Variants in NRCAM observed in about 807,000 individuals in gnomAD.
NRCAM encodes neuronal cell adhesion molecule.
A neutral mutation model predicts 156.5 loss-of-function variants in NRCAM; 83 were observed. The ratio of observed to expected loss-of-function variants is 0.53; its 90% confidence interval spans 0.44 to 0.64. NRCAM has a LOEUF of 0.64. Ranked by LOEUF, NRCAM falls within the 30% of genes least tolerant of loss-of-function variation. The probability of loss-of-function intolerance (pLI) is 0.00; values close to 1 mark genes in which losing one functional copy is unlikely to be tolerated. For synonymous variants in NRCAM, 538 were observed against 563.9 expected (o/e 0.95, Z 0.65); for missense variants, 1,417 against 1,597.3 (o/e 0.89, Z 1.92).
intron 2 of NRCAM, among the ~76,000 whole-genome samples, chr7:108,358,970 G>A (rs2099528751): frequency 1.3e-5 from 2 of 152,182 alleles, no homozygotes; most frequent in African/African-American, 4.8e-5. Context: ...GCATAGATAT[G>A]TCTATAAGCT....
intron 1 of NRCAM, among the ~76,000 whole-genome samples, chr7:108,424,227 C>A (rs1411070345): frequency 6.6e-6 from 1 of 152,146 alleles, no homozygotes; most frequent in Non-Finnish European, 1.5e-5. Flanking sequence ...AGTGGGGCAT[C>A]GAAGAGAGCT....
chr7:108,159,397 A>G, intron 32 of NRCAM, 66 bp downstream of exon 32: 2 of 1,358,588 alleles, frequency 1.5e-6, no homozygotes, highest in Admixed American at 3.4e-5. Context: ...ATTCTGGCTG[A>G]GTTCTATTCT....
chr7:108,383,199 G>T (rs35791629), intron 2 of NRCAM, among the ~76,000 whole-genome samples: 6,100 of 151,938 alleles, frequency 0.04, 207 homozygotes, highest in Non-Finnish European at 0.062. Context: ...AGTCACTCCT[G>T]TCTGGCTCAG....
chr7:108,166,977 C>T lies in NRCAM; in HGVS notation c.3410G>A (p.Gly1137Asp). The change falls in exon 30 of 33, where the codon GGT becomes GAT. Residue 1137 changes from glycine to aspartate, a missense_variant. Physicochemically the swap from Gly to Asp is moderately conservative, Grantham distance 94. Coordinates refer to ENST00000379028, the MANE Select transcript of NRCAM (RefSeq NM_001037132.4). ...CACAAAACCAGAGTCCCCCACAGCA[C>T]CAACTCGAACTTTGTATGCTGTTCC... ...MPGTAYKVRV[G>D]AVGDSGFVSS... The T allele has an allele frequency of 6.2e-7, 1 of 1,613,948 alleles. No individual in the cohort carries two copies. Among genetic ancestry groups the T allele is most frequent in the Non-Finnish European group, 8.5e-7 (1 of 1,179,882 alleles).
intron 13 of NRCAM, among the ~76,000 whole-genome samples, chr7:108,202,026 G>C (rs915183435): frequency 1.3e-5 from 2 of 152,124 alleles, no homozygotes; most frequent in South Asian, 4.1e-4. Context: ...TGGAGCCTTT[G>C]GATGGGCTGG....
rs118038336 is a variant in NRCAM at position 108,351,328 on chromosome 7, C to G, written c.-173-38597G>C. Among the ~76,000 whole-genome samples the G allele has an allele frequency of 3.5e-3, 532 of 152,268 alleles. 6 individuals are homozygous for G. The highest frequency in any genetic ancestry group is 0.03 in the East Asian group (155 of 5,182). On this transcript the variant is annotated intron_variant, in intron 2 of 32. Coordinates refer to ENST00000379028, the MANE Select transcript of NRCAM (RefSeq NM_001037132.4). The stretch of plus-strand genomic sequence containing the variant: ...CTTTGTTCTTTATAAATTACCCAGT[C>G]TCAGGTATTCTATTATAGCAACACA...
chr7:108,232,146 T>C (rs2094417120), intron 7 of NRCAM, among the ~76,000 whole-genome samples, 180 bp downstream of exon 7: 1 of 152,128 alleles, frequency 6.6e-6, no homozygotes, highest in South Asian at 2.1e-4. Context: ...GGTAAAGCAT[T>C]GGACTAAGGA....
intron 11 of NRCAM, among the ~76,000 whole-genome samples, chr7:108,211,998 A>G (rs748385690): frequency 5.3e-5 from 8 of 152,196 alleles, no homozygotes; most frequent in Non-Finnish European, 8.8e-5. Context: ...AGTCCATTTC[A>G]ACCCCCTGCC....
intron 3 of NRCAM, among the ~76,000 whole-genome samples, chr7:108,289,598 G>A (rs1161838289): frequency 1.3e-5 from 2 of 152,082 alleles, no homozygotes; most frequent in African/African-American, 4.8e-5. Context: ...TGTCATCAGT[G>A]TTGGGCACAT....
intron 3 of NRCAM, among the ~76,000 whole-genome samples, chr7:108,245,382 G>A (rs1448386034): frequency 1.3e-5 from 2 of 152,174 alleles, no homozygotes; most frequent in Admixed American, 1.3e-4. Flanking sequence ...GATCTTCACA[G>A]TGTTGCCCAT....
chr7:108,347,967 A>C (rs1489693432), intron 2 of NRCAM, among the ~76,000 whole-genome samples: 1 of 152,112 alleles, frequency 6.6e-6, no homozygotes, highest in African/African-American at 2.4e-5. Flanking sequence ...CACTGCACTC[A>C]CCATGTTCTA....
chr7:108,219,922 CTGA>C (rs2091519651), intron 11 of NRCAM, among the ~76,000 whole-genome samples: 1 of 152,106 alleles, frequency 6.6e-6, no homozygotes, highest in South Asian at 2.1e-4. Context: ...TCACTGTTTG[CTGA>C]TGATATGATC....
At chr7:108,160,641 G>A (rs1251861800) in intron 30 of NRCAM, 149 bp from the exon 31 acceptor site, 2 of 553,392 alleles carry the variant, frequency 3.6e-6, no homozygotes, top group Non-Finnish European at 6.1e-6. Context: ...TTATTAATCA[G>A]GAATTATATG....
At chr7:108,419,289 G>A (rs775487331) in intron 1 of NRCAM, among the ~76,000 whole-genome samples, 34 of 151,970 alleles carry the variant, frequency 2.2e-4, no homozygotes, top group Non-Finnish European at 4.7e-4. Context: ...TCCTCTCTTC[G>A]TTACCCTGAC....
chr7:108,252,658 TCA>T (rs1265200537), intron 3 of NRCAM, among the ~76,000 whole-genome samples: 1 of 152,178 alleles, frequency 6.6e-6, no homozygotes, highest in African/African-American at 2.4e-5. Context: ...TAGATAAATC[TCA>T]GTGTTTTCTC....
chr7:108,284,561 T>C (rs2154100230), intron 3 of NRCAM, among the ~76,000 whole-genome samples: 1 of 152,290 alleles, frequency 6.6e-6, no homozygotes, highest in South Asian at 2.1e-4. Flanking sequence ...TCCCTTATGA[T>C]TTGACACTTG....
chr7:108,182,509 T>A (rs535401619), intron 23 of NRCAM, among the ~76,000 whole-genome samples, 186 bp downstream of exon 23: 1 of 152,362 alleles, frequency 6.6e-6, no homozygotes, highest in African/African-American at 2.4e-5. Context: ...AAGGGACAAC[T>A]ATACTGCAAT....
chr7:108,192,572 G>C (rs1204261478), intron 17 of NRCAM, among the ~76,000 whole-genome samples: 1 of 152,108 alleles, frequency 6.6e-6, no homozygotes, highest in Non-Finnish European at 1.5e-5. Context: ...GGGAGAGGAA[G>C]GAGCTTCCTT....
intron 1 of NRCAM, among the ~76,000 whole-genome samples, chr7:108,400,626 T>C (rs115289371): frequency 1.4e-3 from 216 of 152,328 alleles, no homozygotes; most frequent in African/African-American, 5.0e-3. Flanking sequence ...TCTACACTTT[T>C]GGCACCTGAC....
Sources: gnomAD v4.1 joint callset for allele counts (sites outside exome capture counted in the v4.1 genomes callset) on GRCh38, gnomAD v4.1.1 for gene constraint, MANE v1.5 for transcripts, NCBI Gene and HGNC (gene_info 2026-07-23, HGNC 2026-07-21) for gene names.